TIAM1: variants seen among roughly 807,000 people sequenced by gnomAD.
TIAM1 encodes the protein TIAM Rac1 associated GEF 1.
TIAM1 carries 65 observed loss-of-function variants against 163.5 expected under a neutral mutation model. The observed-to-expected ratio is 0.40, with a 90% CI of 0.33 to 0.49. The LOEUF (loss-of-function observed/expected upper bound fraction) is 0.49, where lower values mean the gene tolerates loss of function less well. TIAM1 is among the 20% of genes least tolerant of loss of function. The probability of loss-of-function intolerance (pLI) is 0.77; values close to 1 mark genes in which losing one functional copy is unlikely to be tolerated. For missense variants in TIAM1, 1,789 were observed against 2,044.7 expected (o/e 0.87, Z 2.41); for synonymous variants, 833 against 810.1 (o/e 1.03, Z -0.48).
intron 2 of TIAM1, among the ~76,000 whole-genome samples, chr21:31,436,753 T>TTC (rs1329049101): frequency 6.6e-6 from 1 of 151,818 alleles, no homozygotes; most frequent in Non-Finnish European, 1.5e-5. Flanking sequence ...AGGTTAGGAG[T>TTC]TTGAGACCAG....
At chr21:31,329,371 C>T (rs1013041876) in intron 2 of TIAM1, among the ~76,000 whole-genome samples, 1 of 152,214 alleles carries the variant, frequency 6.6e-6, no homozygotes, top group South Asian at 2.1e-4. Context: ...GAAAAATCCT[C>T]GTAACTGCTC....
At chr21:31,297,546 C>T (rs1459796455) in intron 2 of TIAM1, among the ~76,000 whole-genome samples, 2 of 152,192 alleles carry the variant, frequency 1.3e-5, no homozygotes, top group Non-Finnish European at 2.9e-5. Context: ...AGGCACCTGC[C>T]ACAACGCACG....
At chr21:31,537,808 AG>A (rs2048188733) in intron 1 of TIAM1, among the ~76,000 whole-genome samples, 1 of 152,116 alleles carries the variant, frequency 6.6e-6, no homozygotes, top group African/African-American at 2.4e-5. Flanking sequence ...ATAGAAAACT[AG>A]GGTATTAAGG....
chr21:31,267,033 G>T, intron 3 of TIAM1, 50 bp from the exon 4 acceptor site: 2 of 1,522,366 alleles, frequency 1.3e-6, no homozygotes, highest in Non-Finnish European at 8.8e-7. Context: ...ATTAGTACAG[G>T]TATAGGCATC....
At chr21:31,180,274 T>A (rs548882562) in intron 15 of TIAM1, among the ~76,000 whole-genome samples, 1 of 152,034 alleles carries the variant, frequency 6.6e-6, no homozygotes, top group African/African-American at 2.4e-5. Flanking sequence ...AAAAAACAAA[T>A]TGTGAGCAAT....
intron 1 of TIAM1, among the ~76,000 whole-genome samples, chr21:31,550,871 A>G (rs931663202): frequency 3.9e-5 from 6 of 152,298 alleles, no homozygotes; most frequent in African/African-American, 1.4e-4. Context: ...ATGTAACTAA[A>G]TTAAAGGTCT....
chr21:31,241,837 T>C (rs2071195092), intron 6 of TIAM1, among the ~76,000 whole-genome samples: 2 of 151,754 alleles, frequency 1.3e-5, no homozygotes, highest in Admixed American at 1.3e-4. Flanking sequence ...CAAGATTCTG[T>C]CTTTAAAAAA....
intron 1 of TIAM1, among the ~76,000 whole-genome samples, chr21:31,550,046 C>T (rs2048629904): frequency 6.6e-6 from 1 of 151,934 alleles, no homozygotes; most frequent in Non-Finnish European, 1.5e-5. Flanking sequence ...ATTGCTTGAA[C>T]CTGGGAGGTG....
intron 1 of TIAM1, among the ~76,000 whole-genome samples, chr21:31,510,893 T>C (rs758160572): frequency 3.0e-4 from 46 of 152,124 alleles, no homozygotes; most frequent in Non-Finnish European, 4.6e-4. Context: ...TGAGGACATA[T>C]TGGAGTAGGG....
chr21:31,174,685 T>C (rs1002179167), intron 15 of TIAM1, among the ~76,000 whole-genome samples: 2 of 152,240 alleles, frequency 1.3e-5, no homozygotes, highest in African/African-American at 4.8e-5. Context: ...TTCGCTCTTG[T>C]TGTCCAGGCT....
intron 1 of TIAM1, among the ~76,000 whole-genome samples, chr21:31,534,130 TGAAGA>T (rs1290737753): frequency 6.6e-6 from 1 of 151,994 alleles, no homozygotes; most frequent in Non-Finnish European, 1.5e-5. Flanking sequence ...GAAAACACAA[TGAAGA>T]GAAAGCGAGT....
At chr21:31,445,440 T>C (rs1440589893) in intron 2 of TIAM1, among the ~76,000 whole-genome samples, 1 of 152,230 alleles carries the variant, frequency 6.6e-6, no homozygotes, top group Admixed American at 6.5e-5. Flanking sequence ...AAAAGACTCC[T>C]TTATGTAAGT....
intron 2 of TIAM1, among the ~76,000 whole-genome samples, chr21:31,322,310 C>T (rs769782967): frequency 1.4e-4 from 22 of 152,308 alleles, no homozygotes; most frequent in Non-Finnish European, 2.6e-4. Context: ...TCTTCCCTCT[C>T]ACTCTGTGTG....
At chr21:31,463,310 C>T (rs1046950812) in intron 2 of TIAM1, among the ~76,000 whole-genome samples, 7 of 152,320 alleles carry the variant, frequency 4.6e-5, no homozygotes, top group South Asian at 4.1e-4. Flanking sequence ...TCTTCCTTCT[C>T]GTGGACACAT....
At chr21:31,551,260 C>T (rs892343307) in intron 1 of TIAM1, among the ~76,000 whole-genome samples, 4 of 150,868 alleles carry the variant, frequency 2.7e-5, no homozygotes, top group African/African-American at 9.8e-5. Context: ...AAAAGAACCA[C>T]GGCTGGACGT....
At chr21:31,367,819 G>C (rs962081676) in intron 2 of TIAM1, among the ~76,000 whole-genome samples, 1 of 152,076 alleles carries the variant, frequency 6.6e-6, no homozygotes, top group African/African-American at 2.4e-5. Flanking sequence ...ATCCTCATGG[G>C]CCACTAAATT....
rs188238562 is a variant in TIAM1, at chr21:31,463,228, C to T, written c.-369+755G>A. On this transcript the variant is annotated intron_variant, in intron 2 of 28. Coordinates refer to the TIAM1 transcript ENST00000286827. ...TTTGAACTCTTACCTGCCGAAGGGCCGAGAAGAGCCCACTGAGCCCAGAGC... is the reference window on the plus strand; with the variant it reads ...TTTGAACTCTTACCTGCCGAAGGGCTGAGAAGAGCCCACTGAGCCCAGAGC... Among the ~76,000 whole-genome samples the T allele has an allele frequency of 3.8e-3, 583 of 152,278 alleles. 1 individual carries two copies. The highest frequency in any genetic ancestry group is 6.1e-3 in the Non-Finnish European group (416 of 68,010).
intron 2 of TIAM1, among the ~76,000 whole-genome samples, chr21:31,305,344 T>A (rs1034546255): frequency 1.3e-5 from 2 of 151,546 alleles, no homozygotes; most frequent in Non-Finnish European, 2.9e-5. Context: ...CCAAAAAGGC[T>A]GGATCTCAGG....
chr21:31,432,087 ATTCCTTT>A (rs2044049280), intron 2 of TIAM1, among the ~76,000 whole-genome samples: 1 of 122,696 alleles, frequency 8.2e-6, no homozygotes, highest in African/African-American at 3.2e-5. Context: ...AAAATCTAAG[ATTCCTTT>A]TTTTTTTTTT....
Sources: gnomAD v4.1 joint callset for allele counts (sites outside exome capture counted in the v4.1 genomes callset) on GRCh38, gnomAD v4.1.1 for gene constraint, MANE v1.5 for transcripts, NCBI Gene and HGNC (gene_info 2026-07-23, HGNC 2026-07-21) for gene names.